The following CWH43 variants were observed in gnomAD, a reference collection of about 807,000 sequenced individuals.
CWH43 encodes PGAP2-interacting protein.
CWH43 carries 91 observed loss-of-function variants against 85.7 expected under a neutral mutation model. That is an observed-to-expected ratio of 1.06 (90% CI 0.90 to 1.26). The LOEUF (loss-of-function observed/expected upper bound fraction) is 1.26. Ranked by LOEUF, CWH43 falls within the 50% of genes most tolerant of loss-of-function variation. CWH43 has a pLI of 0.00. For synonymous variants in CWH43, 323 were observed against 293.6 expected, an observed-to-expected ratio of 1.10 and a Z score of -1.02; for missense variants, 869 against 839.2, an observed-to-expected ratio of 1.04 and a Z score of -0.44.
At chr4:49,005,738 A>C (rs893671292) in intron 7 of CWH43, among the ~76,000 whole-genome samples, 1 of 151,664 alleles carries the variant, frequency 6.6e-6, no homozygotes, top group African/African-American at 2.4e-5. Context: ...ATGGGGTCTC[A>C]CTTTGTTGCC....
chr4:49,051,127 C>A (rs1784783478), intron 15 of CWH43, among the ~76,000 whole-genome samples: 1 of 152,188 alleles, frequency 6.6e-6, no homozygotes. Context: ...ATCACTGTCA[C>A]CTCCACGATA....
Position 49,007,235 on chromosome 4 carries a change from A to G in CWH43, c.1095A>G (p.Leu365=). The G allele has an allele frequency of 6.2e-7, 1 of 1,611,822 alleles. No homozygotes were observed. Among genetic ancestry groups the G allele is most frequent in the Admixed American group, 1.7e-5 (1 of 59,856 alleles). Residue 365 remains leucine, a synonymous_variant, in exon 8 of 16, where the codon CTA becomes CTG. Transcript: ENST00000226432. ...TGTTAATTATCGGGCTGAATATGCT[A>G]TTTGGTCCTAAGAAAAACCTTGACT... ...TMMLIIGLNM[L]FGPKKNLDLL...
At chr4:49,044,547 C>A (rs562041892) in intron 13 of CWH43, among the ~76,000 whole-genome samples, 68 of 152,264 alleles carry the variant, frequency 4.5e-4, no homozygotes, top group African/African-American at 1.6e-3. Context: ...CTCTCCAGAC[C>A]TCCTTCCTCT....
At chr4:49,059,765 T>C (rs753511729) in intron 15 of CWH43, among the ~76,000 whole-genome samples, 30 of 151,862 alleles carry the variant, frequency 2.0e-4, no homozygotes, top group Non-Finnish European at 3.7e-4. Flanking sequence ...CTGGGGTCCA[T>C]TGGGATGGGC....
chr4:49,051,347 G>A (rs1784792298), intron 15 of CWH43, among the ~76,000 whole-genome samples: 1 of 152,130 alleles, frequency 6.6e-6, no homozygotes, highest in Admixed American at 6.6e-5. Flanking sequence ...GCATCGTTGG[G>A]TTGCTGGTAT....
rs370477182 is a variant in CWH43 at position 48,991,931 on chromosome 4, T to C, written c.357-5T>C. On this transcript the variant is annotated splice_region_variant and splice_polypyrimidine_tract_variant and intron_variant, in intron 3 of 15. Transcript: ENST00000226432. ...AAGTGTTTAAAAATACTTTTGCACTTACAGGTACCTCAGAATTTGGGGATT... is the reference window on the plus strand; with the variant it reads ...AAGTGTTTAAAAATACTTTTGCACTCACAGGTACCTCAGAATTTGGGGATT... The C allele has an allele frequency of 2.4e-5, 39 of 1,611,048 alleles. No homozygotes were observed. In the African/African-American group the frequency reaches 3.7e-4, roughly 15 times the overall value.
At chr4:48,998,970 C>G (rs1577658103) in intron 6 of CWH43, among the ~76,000 whole-genome samples, 2 of 152,074 alleles carry the variant, frequency 1.3e-5, no homozygotes, top group African/African-American at 4.8e-5. Context: ...GGTACATGTG[C>G]AGGTTTGTTA....
chr4:49,030,642 G>A (rs1371820894), intron 10 of CWH43, among the ~76,000 whole-genome samples, 183 bp from the exon 11 acceptor site: 3 of 152,102 alleles, frequency 2.0e-5, no homozygotes, highest in South Asian at 2.1e-4. Flanking sequence ...CATTCTAAAC[G>A]TGGGGAAATT....
rs747360913 is a variant in CWH43 at position 48,988,689 on chromosome 4, TTTAAG to T, written c.235+24_235+28del. 5.4e-5 allele frequency: 81 copies of T among 1,487,466 alleles called. 2 individuals are homozygous for T. The Admixed American group carries it at 5.6e-4, about 10-fold the overall frequency. The allele number at this position is 1,487,466 out of a possible 1,614,324, so 92.1% of individuals were successfully genotyped here. On this transcript the variant is annotated intron_variant, in intron 2 of 15. Transcript: ENST00000226432. ...TATTGGTAAGATTTAAAAGAGTTTC[TTTAAG>T]TTGTTTTTTTTAAGTTAAAAATCAA...
chr4:49,050,947 C>A, intron 15 of CWH43, 98 bp downstream of exon 15: 1 of 923,780 alleles, frequency 1.1e-6, no homozygotes, highest in Non-Finnish European at 1.6e-6. Flanking sequence ...ATATTTTGTC[C>A]TAGAGGTTTA....
intron 15 of CWH43, among the ~76,000 whole-genome samples, chr4:49,060,658 C>T (rs1465666861): frequency 6.6e-6 from 1 of 152,092 alleles, no homozygotes; most frequent in Non-Finnish European, 1.5e-5. Context: ...TCCTTCTTAC[C>T]CTTCTCAATG....
intron 15 of CWH43, among the ~76,000 whole-genome samples, chr4:49,056,160 G>A (rs1435847320): frequency 2.1e-5 from 3 of 143,384 alleles, no homozygotes; most frequent in East Asian, 2.0e-4. Context: ...GTGAGAATAT[G>A]CGGTGTTTGG....
intron 13 of CWH43, among the ~76,000 whole-genome samples, chr4:49,039,317 A>AC (rs1241652724): frequency 2.8e-5 from 1 of 35,942 alleles, no homozygotes; most frequent in Non-Finnish European, 7.2e-5. Flanking sequence ...ATATATATAT[A>AC]TATATATATA....
At chr4:49,039,416 GATATATATATACACTTATATAT>G (rs1784386077) in intron 13 of CWH43, among the ~76,000 whole-genome samples, 1 of 119,370 alleles carries the variant, frequency 8.4e-6, no homozygotes, top group Non-Finnish European at 1.7e-5. Flanking sequence ...TATATATACT[GATATATATATACACTTATATAT>G]ATATATATAT....
intron 1 of CWH43, among the ~76,000 whole-genome samples, chr4:48,988,029 C>G (rs1216813686): frequency 2.0e-5 from 3 of 152,150 alleles, no homozygotes; most frequent in Non-Finnish European, 2.9e-5. Context: ...AATAAAGAGA[C>G]TGTCTACAGC....
rs549435520 is a variant in CWH43, at chr4:49,018,081, G to A, written c.1266+753G>A. On this transcript the variant is annotated intron_variant, in intron 9 of 15. Coordinates refer to ENST00000226432, the MANE Select transcript of CWH43 (RefSeq NM_025087.3). Reference sequence around the variant, plus strand: ...TCTTGATTTCCTGACCTTGTGATCCGCCTGCCTCCCAAAGTGCTGGGATTA... The same window carrying A: ...TCTTGATTTCCTGACCTTGTGATCCACCTGCCTCCCAAAGTGCTGGGATTA... Among the ~76,000 whole-genome samples, 85 of 151,682 alleles carry A rather than the reference G, an allele frequency of 5.6e-4. No individual in the cohort carries two copies. In the Middle Eastern group the frequency reaches 0.01, roughly 18 times the overall value.
chr4:49,052,917 A>C (rs941658927), intron 15 of CWH43, among the ~76,000 whole-genome samples: 11 of 152,282 alleles, frequency 7.2e-5, no homozygotes, highest in African/African-American at 2.6e-4. Flanking sequence ...GAAACTTTGT[A>C]TCATTTCACC....
intron 4 of CWH43, among the ~76,000 whole-genome samples, chr4:48,993,826 C>G (rs1451878609): frequency 6.6e-6 from 1 of 152,142 alleles, no homozygotes; most frequent in Non-Finnish European, 1.5e-5. Context: ...ACGATCTCAG[C>G]GCACTGCAAC....
intron 12 of CWH43, among the ~76,000 whole-genome samples, chr4:49,034,817 C>T (rs998716865): frequency 6.6e-6 from 1 of 152,164 alleles, no homozygotes; most frequent in African/African-American, 2.4e-5. Context: ...CTACCTATTT[C>T]ATGGGGTTCT....
Sources: allele counts gnomAD v4.1 joint callset (sites outside exome capture counted in the v4.1 genomes callset), GRCh38; gene constraint gnomAD v4.1.1; transcripts MANE v1.5; gene names NCBI Gene and HGNC (gene_info 2026-07-23, HGNC 2026-07-21).